GPC6: variants seen among roughly 807,000 people sequenced by gnomAD.
GPC6 encodes the protein glypican 6, also known as glypican-6.
Under a neutral mutation model 55.2 loss-of-function variants are expected in GPC6, and 14 were observed. The ratio of observed to expected loss-of-function variants is 0.25; its 90% CI spans 0.17 to 0.40. GPC6 has a LOEUF of 0.40. Ranked by LOEUF, GPC6 falls within the 10% of genes least tolerant of loss-of-function variation. The pLI is 1.00. For missense variants in GPC6, 641 were observed against 708.5 expected (o/e 0.90, Z 1.08); for synonymous variants, 278 against 259.6 (o/e 1.07, Z -0.68).
intron 1 of GPC6, among the ~76,000 whole-genome samples, chr13:93,325,443 T>G (rs9516222): frequency 0.3 from 45,463 of 152,024 alleles, 7,689 homozygotes; most frequent in East Asian, 0.79. Flanking sequence ...AATGGGTAGC[T>G]TATACTCAGT....
intron 1 of GPC6, among the ~76,000 whole-genome samples, chr13:93,298,944 A>G (rs1878588158): frequency 6.6e-6 from 1 of 150,528 alleles, no homozygotes; most frequent in Non-Finnish European, 1.5e-5. Flanking sequence ...CTCATGTAAT[A>G]GTTATTTTTG....
intron 6 of GPC6, among the ~76,000 whole-genome samples, chr13:94,329,072 A>C (rs1253779741): frequency 6.6e-6 from 1 of 152,198 alleles, no homozygotes; most frequent in Admixed American, 6.5e-5. Flanking sequence ...TCCCACTGAC[A>C]CTGGAGTTCT....
the GPC6 span, among the ~76,000 whole-genome samples, chr13:93,221,220 T>C: frequency 4.4e-4 from 67 of 152,360 alleles, no homozygotes; most frequent in Non-Finnish European, 9.0e-4. Context: ...CCTTGACTAT[T>C]GATAGTAGTA....
intron 5 of GPC6, among the ~76,000 whole-genome samples, chr13:94,287,130 G>A (rs540587275): frequency 2.0e-5 from 3 of 152,036 alleles, no homozygotes; most frequent in East Asian, 3.9e-4. Context: ...AACAGGACCC[G>A]CCTTAAGCAA....
At chr13:94,149,590 T>C (rs530629704) in intron 4 of GPC6, among the ~76,000 whole-genome samples, 98 of 152,208 alleles carry the variant, frequency 6.4e-4, no homozygotes, top group African/African-American at 2.3e-3. Context: ...GGTCAGAATG[T>C]CATGAGTAAG....
intron 2 of GPC6, among the ~76,000 whole-genome samples, chr13:93,554,918 A>G (rs553955529): frequency 5.3e-5 from 8 of 152,342 alleles, no homozygotes; most frequent in African/African-American, 1.9e-4. Flanking sequence ...TCATTAAACG[A>G]ACAAATATTC....
At chr13:93,982,223 T>C (rs112024824) in intron 3 of GPC6, among the ~76,000 whole-genome samples, 2,803 of 152,290 alleles carry the variant, frequency 0.018, 100 homozygotes, top group African/African-American at 0.064. Flanking sequence ...ATACATTTTG[T>C]GGATGATAAA....
intron 4 of GPC6, among the ~76,000 whole-genome samples, chr13:94,168,823 T>C (rs1300009702): frequency 6.6e-6 from 1 of 151,834 alleles, no homozygotes; most frequent in Non-Finnish European, 1.5e-5. Flanking sequence ...TTTATTCTGA[T>C]TTTAAAAGAT....
chr13:93,607,342 T>C (rs916094735), intron 2 of GPC6, among the ~76,000 whole-genome samples: 10 of 152,246 alleles, frequency 6.6e-5, no homozygotes, highest in Non-Finnish European at 1.3e-4. Context: ...AGCTGCTTAC[T>C]GAATGCTTAT....
At chr13:93,988,547 G>A (rs1015129008) in intron 3 of GPC6, among the ~76,000 whole-genome samples, 10 of 152,306 alleles carry the variant, frequency 6.6e-5, no homozygotes, top group African/African-American at 2.2e-4. Flanking sequence ...CAAGGTGCCA[G>A]CACATTGTGT....
In GPC6 at chr13:93,609,212, T is replaced by TTTG. The variant is rs973910823; in HGVS notation, c.319+63810_319+63812dup. Among the ~76,000 whole-genome samples, 9 of 152,138 alleles carry TTTG rather than the reference T, an allele frequency of 5.9e-5. No homozygotes were observed. In the South Asian group the frequency reaches 1.0e-3, roughly 18 times the overall value. On this transcript the variant is annotated intron_variant, in intron 2 of 8. Transcript: ENST00000377047. Reference sequence around the variant, plus strand: ...ATTCTTTCTTCATCTCTAACCTGACTTTGTTGTTGTTGTTGTTGTTGAGAT... The same window carrying TTTG: ...ATTCTTTCTTCATCTCTAACCTGACTTTGTTGTTGTTGTTGTTGTTGTTGAGAT...
chr13:94,112,394 G>T (rs578258057), intron 4 of GPC6, among the ~76,000 whole-genome samples: 3 of 152,138 alleles, frequency 2.0e-5, no homozygotes, highest in Non-Finnish European at 2.9e-5. Flanking sequence ...GGCAGCCTCC[G>T]CTAGGATGTG....
At chr13:94,047,422 C>T (rs961697490) in intron 4 of GPC6, among the ~76,000 whole-genome samples, 1 of 151,924 alleles carries the variant, frequency 6.6e-6, no homozygotes, top group Non-Finnish European at 1.5e-5. Flanking sequence ...TTTCAGCATC[C>T]ATCTGTTTTC....
chr13:93,320,300 G>A (rs886135390), intron 1 of GPC6, among the ~76,000 whole-genome samples: 2 of 151,962 alleles, frequency 1.3e-5, no homozygotes, highest in Non-Finnish European at 2.9e-5. Flanking sequence ...TTATTAAGGA[G>A]TAATAAATTA....
chr13:93,703,238 T>C (rs780097760), intron 2 of GPC6, among the ~76,000 whole-genome samples: 7 of 151,822 alleles, frequency 4.6e-5, no homozygotes, highest in Non-Finnish European at 1.0e-4. Flanking sequence ...GAATGGTCAG[T>C]GAGTAGAGCA....
At chr13:93,364,386 T>A (rs1282199184) in intron 1 of GPC6, among the ~76,000 whole-genome samples, 1 of 152,108 alleles carries the variant, frequency 6.6e-6, no homozygotes, top group Admixed American at 6.6e-5. Context: ...ATCACAATGA[T>A]GCACGGTGAG....
At chr13:93,743,999 A>G (rs938676389) in intron 2 of GPC6, among the ~76,000 whole-genome samples, 9 of 152,188 alleles carry the variant, frequency 5.9e-5, no homozygotes, top group Admixed American at 5.9e-4. Flanking sequence ...AATTTTGTAT[A>G]TATTGAATTT....
chr13:93,699,457 ACAC>A (rs1882594511), intron 2 of GPC6, among the ~76,000 whole-genome samples: 1 of 152,082 alleles, frequency 6.6e-6, no homozygotes, highest in Non-Finnish European at 1.5e-5. Context: ...CATCCATGTG[ACAC>A]CACTGTACAG....
At chr13:93,635,767 C>A (rs982439799) in intron 2 of GPC6, among the ~76,000 whole-genome samples, 5 of 152,184 alleles carry the variant, frequency 3.3e-5, no homozygotes, top group South Asian at 2.1e-4. Context: ...AAGCACAGAA[C>A]ATATCTTTTC....
Sources: allele counts gnomAD v4.1 joint callset (sites outside exome capture counted in the v4.1 genomes callset), GRCh38; gene constraint gnomAD v4.1.1; transcripts MANE v1.5; gene names NCBI Gene and HGNC (gene_info 2026-07-23, HGNC 2026-07-21).